Variants in CNTN4 observed in about 807,000 individuals in gnomAD.
CNTN4 encodes contactin 4, also known as contactin-4.
Under a neutral mutation model 122.5 loss-of-function variants are expected in CNTN4, and 77 were observed. The observed-to-expected ratio is 0.63, with a 90% CI of 0.52 to 0.76. CNTN4 has a LOEUF of 0.76. Among genes scored for constraint, CNTN4 ranks in the 30% least tolerant of loss-of-function variants. The pLI is 0.00. For synonymous variants in CNTN4, 512 were observed against 447.0 expected (o/e 1.15, Z -1.83); for missense variants, 1,256 against 1,259.1 (o/e 1.00, Z 0.04).
intron 6 of CNTN4, among the ~76,000 whole-genome samples, chr3:2,804,101 A>T (rs575602395): frequency 6.6e-6 from 1 of 151,058 alleles, no homozygotes; most frequent in Admixed American, 6.6e-5. Flanking sequence ...ACACACACGT[A>T]TGATAAAAAC....
chr3:2,932,973 C>T (rs1208913158), intron 13 of CNTN4, among the ~76,000 whole-genome samples: 5 of 152,188 alleles, frequency 3.3e-5, no homozygotes, highest in South Asian at 4.1e-4. Flanking sequence ...CAGGCACCCA[C>T]CACTATGCCC....
chr3:2,204,708 T>C (rs1296348485), intron 2 of CNTN4, among the ~76,000 whole-genome samples: 1 of 152,172 alleles, frequency 6.6e-6, no homozygotes, highest in African/African-American at 2.4e-5. Flanking sequence ...GTTTTAAACT[T>C]CTTTTTAGCC....
intron 2 of CNTN4, among the ~76,000 whole-genome samples, chr3:2,127,116 A>G: frequency 6.6e-6 from 1 of 152,158 alleles, no homozygotes; most frequent in Non-Finnish European, 1.5e-5. Flanking sequence ...TCTCTTCTCA[A>G]GAGAAGCCTG....
chr3:2,865,231 C>T (rs1162138164), intron 7 of CNTN4, among the ~76,000 whole-genome samples: 1 of 152,060 alleles, frequency 6.6e-6, no homozygotes, highest in Non-Finnish European at 1.5e-5. Flanking sequence ...TAAAATAATA[C>T]ATGTGGAAAT....
chr3:2,427,152 A>C (rs2047870811), intron 3 of CNTN4, among the ~76,000 whole-genome samples: 1 of 151,828 alleles, frequency 6.6e-6, no homozygotes. Context: ...TAGTTCTTTT[A>C]ATTGTGATGT....
At chr3:2,369,920 T>A (rs911242747) in intron 3 of CNTN4, among the ~76,000 whole-genome samples, 1 of 152,166 alleles carries the variant, frequency 6.6e-6, no homozygotes, top group African/African-American at 2.4e-5. Flanking sequence ...TGGGCCTGTT[T>A]ATACTGTCAC....
At chr3:2,659,383 AC>A (rs1282149505) in intron 4 of CNTN4, among the ~76,000 whole-genome samples, 3 of 149,476 alleles carry the variant, frequency 2.0e-5, no homozygotes, top group African/African-American at 7.4e-5. Flanking sequence ...AATCACTTGA[AC>A]CCAGGAGGTG....
chr3:2,360,746 A>C (rs868580097), intron 3 of CNTN4, among the ~76,000 whole-genome samples: 4 of 152,168 alleles, frequency 2.6e-5, no homozygotes, highest in African/African-American at 7.2e-5. Context: ...GAACTCTCTC[A>C]CTATCCGGAG....
chr3:2,433,528 C>T (rs952535425), intron 3 of CNTN4, among the ~76,000 whole-genome samples: 1 of 152,000 alleles, frequency 6.6e-6, no homozygotes, highest in African/African-American at 2.4e-5. Flanking sequence ...GGATATTAGC[C>T]CTTTATTAGA....
At chr3:2,273,876 A>G (rs770477408) in intron 2 of CNTN4, among the ~76,000 whole-genome samples, 1 of 152,066 alleles carries the variant, frequency 6.6e-6, no homozygotes, top group Non-Finnish European at 1.5e-5. Context: ...TTTTTTTCTT[A>G]TGAGGTATCT....
At chr3:2,730,724 T>C (rs2088616626) in intron 4 of CNTN4, among the ~76,000 whole-genome samples, 1 of 152,204 alleles carries the variant, frequency 6.6e-6, no homozygotes, top group Non-Finnish European at 1.5e-5. Flanking sequence ...GTGGGCTTGA[T>C]ATTTGGGCAT....
intron 9 of CNTN4, among the ~76,000 whole-genome samples, chr3:2,886,631 C>A (rs2093982591): frequency 6.6e-6 from 1 of 151,100 alleles, no homozygotes; most frequent in Non-Finnish European, 1.5e-5. Flanking sequence ...CCTGCCTCAG[C>A]CTCTTGAGTA....
At chr3:2,725,388 A>G (rs2088153967) in intron 4 of CNTN4, among the ~76,000 whole-genome samples, 2 of 152,146 alleles carry the variant, frequency 1.3e-5, no homozygotes, top group African/African-American at 2.4e-5. Flanking sequence ...TATAGTCCTC[A>G]TTTTTAACTG....
At chr3:2,195,273 A>G (rs370196257) in intron 2 of CNTN4, among the ~76,000 whole-genome samples, 4 of 152,220 alleles carry the variant, frequency 2.6e-5, no homozygotes, top group East Asian at 1.9e-4. Context: ...TCATGTCTGA[A>G]TAGTATTCCA....
chr3:2,659,133 C>G (rs2083747797), intron 4 of CNTN4, among the ~76,000 whole-genome samples: 1 of 151,992 alleles, frequency 6.6e-6, no homozygotes, highest in Non-Finnish European at 1.5e-5. Context: ...AATTGATACT[C>G]TTTATTGAAG....
intron 12 of CNTN4, among the ~76,000 whole-genome samples, chr3:2,918,083 G>C (rs187554020): frequency 6.6e-6 from 1 of 152,310 alleles, no homozygotes; most frequent in East Asian, 1.9e-4. Flanking sequence ...ATAGCACAAA[G>C]GCAAAATATA....
intron 4 of CNTN4, among the ~76,000 whole-genome samples, chr3:2,594,823 T>C (rs970891747): frequency 3.3e-5 from 5 of 152,214 alleles, no homozygotes; most frequent in Non-Finnish European, 5.9e-5. Context: ...GTCATGTGTA[T>C]ATGTTTGCAT....
chr3:2,841,998 A>AT lies in CNTN4; in HGVS notation c.454+22424dup, dbSNP rs1384147764. Among the ~76,000 whole-genome samples the AT allele has an allele frequency of 4.6e-5, 7 of 152,124 alleles. No individual in the cohort carries two copies. In the South Asian group the frequency reaches 1.5e-3, roughly 32 times the overall value. ...TAAATAAATGAAGCTAGCTGCCCCC[A>AT]TTTTTTTCAAGAACATGTTATTGAA... On this transcript the variant is annotated intron_variant, in intron 7 of 24. Transcript: ENST00000418658. This position sits in a 1 kb window ranked among gnomAD's most constrained non-coding sequence, Gnocchi z 4.8.
At chr3:2,259,579 G>C (rs552732904) in intron 2 of CNTN4, among the ~76,000 whole-genome samples, 11 of 152,262 alleles carry the variant, frequency 7.2e-5, no homozygotes, top group South Asian at 6.2e-4. Flanking sequence ...GAAGGCAAAA[G>C]GCACATCTTA....
Sources: gnomAD v4.1 joint callset for allele counts (sites outside exome capture counted in the v4.1 genomes callset) on GRCh38, gnomAD v4.1.1 for gene constraint, Gnocchi (gnomAD v3.1) non-coding constraint, MANE v1.5 for transcripts, NCBI Gene and HGNC (gene_info 2026-07-23, HGNC 2026-07-21) for gene names.